TTYH3: variants seen among roughly 807,000 people sequenced by gnomAD.
The protein encoded by TTYH3 is protein tweety homolog 3.
A neutral mutation model predicts 68.2 loss-of-function variants in TTYH3; 23 were observed. The ratio of observed to expected loss-of-function variants is 0.34; its 90% CI spans 0.24 to 0.48. The LOEUF (loss-of-function observed/expected upper bound fraction) is 0.48, where lower values mean the gene tolerates loss of function less well. TTYH3 is among the 20% of genes least tolerant of loss of function. The pLI, the probability that TTYH3 is intolerant of heterozygous loss-of-function variation, is 0.99. For synonymous variants in TTYH3, 360 were observed against 332.8 expected, an observed-to-expected ratio of 1.08 and a Z score of -0.89; for missense variants, 768 against 727.7, an observed-to-expected ratio of 1.06 and a Z score of -0.64.
At chr7:2,636,640 G>A (rs936599848) in intron 1 of TTYH3, among the ~76,000 whole-genome samples, 1 of 152,184 alleles carries the variant, frequency 6.6e-6, no homozygotes, top group Non-Finnish European at 1.5e-5. Context: ...CAGCGAATGG[G>A]ACCCTGCATT....
rs148176693 is a variant in TTYH3, at chr7:2,645,246, C to T, written c.124-1607C>T. Reference sequence around the variant, plus strand: ...GTGTGGAGGTTCTGGAGGGCTGAGCCGGGGGCAGGGCTATGCTGAATCCAG... The same window carrying T: ...GTGTGGAGGTTCTGGAGGGCTGAGCTGGGGGCAGGGCTATGCTGAATCCAG... On this transcript the variant is annotated intron_variant, in intron 1 of 13. Transcript: ENST00000258796. The surrounding 1 kb of genome is among the most constrained non-coding windows in gnomAD (Gnocchi z 4.8). Among the ~76,000 whole-genome samples, 185 of 152,278 alleles carry T rather than the reference C, an allele frequency of 1.2e-3. No homozygotes were observed. Among genetic ancestry groups the T allele is most frequent in the African/African-American group, 4.2e-3 (173 of 41,558 alleles).
intron 1 of TTYH3, among the ~76,000 whole-genome samples, chr7:2,635,259 C>T (rs879056367): frequency 2.6e-5 from 4 of 152,168 alleles, no homozygotes; most frequent in African/African-American, 9.7e-5. Flanking sequence ...TGTCCTGCCC[C>T]GGGCAGGGGC....
At chr7:2,659,535 T>C (rs1004165340) in intron 13 of TTYH3, among the ~76,000 whole-genome samples, 1 of 152,206 alleles carries the variant, frequency 6.6e-6, no homozygotes, top group Non-Finnish European at 1.5e-5. Context: ...CACACATGGC[T>C]GTTTCAGCCC....
At position 2,645,198 on chromosome 7, in the gene TTYH3, A is replaced by T. The variant is rs1310027265; in HGVS notation, c.124-1655A>T. Among the ~76,000 whole-genome samples the T allele has an allele frequency of 6.6e-6, 1 of 151,914 alleles. No homozygotes were observed. Among genetic ancestry groups the T allele is most frequent in the Non-Finnish European group, 1.5e-5 (1 of 67,960 alleles). ...AGGCGCAGCCCTGTATCAGCTCCCC[A>T]TCCCTCCCCCGGCACAGGAAGTGTG... On this transcript the variant is annotated intron_variant, in intron 1 of 13. Transcript: ENST00000258796. The surrounding 1 kb of genome is among the most constrained non-coding windows in gnomAD (Gnocchi z 4.8).
intron 10 of TTYH3, 89 bp from the exon 11 acceptor site, chr7:2,656,309 C>G: frequency 1.3e-6 from 2 of 1,570,964 alleles, no homozygotes; most frequent in Non-Finnish European, 1.7e-6. Flanking sequence ...GGGGGGCGGT[C>G]CAGGCCGCCG....
At chr7:2,654,826 C>G (rs1215542796) in intron 9 of TTYH3, among the ~76,000 whole-genome samples, 1 of 151,978 alleles carries the variant, frequency 6.6e-6, no homozygotes, top group Non-Finnish European at 1.5e-5. Flanking sequence ...TCTCTGTTGC[C>G]CAGGCTGGAG....
Position 2,645,942 on chromosome 7 carries a change from CG to C in TTYH3, c.124-908del, listed in dbSNP as rs1785967707. 1 of 447,398 alleles carries C rather than the reference CG, an allele frequency of 2.2e-6. No individual in the cohort carries two copies. The highest frequency in any genetic ancestry group is 2.5e-5 in the Admixed American group (1 of 40,692). 27.7% of individuals were successfully genotyped at this position (447,398 alleles called of 1,614,324 possible). On this transcript the variant is annotated intron_variant, in intron 1 of 13. Coordinates refer to ENST00000258796, the MANE Select transcript of TTYH3 (RefSeq NM_025250.3). The surrounding 1 kb of genome is among the most constrained non-coding windows in gnomAD (Gnocchi z 4.8). ...GGGCTCTGGGGTCCTGGGGCTGTCT[CG>C]GGCTGGGGGTGAGGACAGTAGCTGA...
Position 2,658,451 on chromosome 7 carries a change from T to C in TTYH3, c.1416T>C (p.Thr472=). The C allele has an allele frequency of 6.2e-7, 1 of 1,608,122 alleles. No homozygotes were observed. Among genetic ancestry groups the C allele is most frequent in the Non-Finnish European group, 8.5e-7 (1 of 1,176,596 alleles). ...AAHTVSNAPV[T]EYMSQNANFQ... is the part of the protein sequence containing the mutation. ...ACACCGTCAGCAACGCCCCGGTCAC[T>C]GAGTACATGTGAGTTGACGTGGGCC... is the stretch of plus-strand genomic sequence containing the variant. The change falls in exon 12 of 14, where the codon ACT becomes ACC. Residue 472 remains threonine, a synonymous_variant. Transcript: ENST00000258796.
chr7:2,655,438 T>A (rs1786305955), intron 9 of TTYH3, among the ~76,000 whole-genome samples: 1 of 152,120 alleles, frequency 6.6e-6, no homozygotes, highest in African/African-American at 2.4e-5. Flanking sequence ...GAGCCACCGC[T>A]CCCGGCCCCA....
chr7:2,658,814 G>A lies in TTYH3; in HGVS notation c.1425-126G>A, dbSNP rs930141757. On this transcript the variant is annotated intron_variant, in intron 12 of 13. Transcript: ENST00000258796. Reference sequence around the variant, plus strand: ...AGCCCTTTGTTACTGTGCTGGGTTCGTGGGACCCCCAGTGAGAATGGATGT... The same window carrying A: ...AGCCCTTTGTTACTGTGCTGGGTTCATGGGACCCCCAGTGAGAATGGATGT... The A allele has an allele frequency of 1.8e-5, 17 of 930,816 alleles. No homozygotes were observed. In the Admixed American group the frequency reaches 2.0e-4, roughly 11 times the overall value. 57.7% of individuals were successfully genotyped at this position (930,816 alleles called of 1,614,324 possible).
intron 11 of TTYH3, 134 bp from the exon 12 acceptor site, chr7:2,658,152 A>G (rs1054604809): frequency 1.1e-6 from 1 of 928,228 alleles, no homozygotes; most frequent in Non-Finnish European, 1.6e-6. Flanking sequence ...CCACAGTCCC[A>G]CATGGAGTGT....
Position 2,662,070 on chromosome 7 carries a change from C to T in TTYH3, c.*331C>T, listed in dbSNP as rs1353474367. 10 of 504,510 alleles carry T rather than the reference C, an allele frequency of 2.0e-5. No homozygotes were observed. The highest frequency in any genetic ancestry group is 7.2e-5 in the East Asian group (2 of 27,852). The allele number at this position is 504,510 out of a possible 1,614,324, so 31.3% of individuals were successfully genotyped here. On this transcript the variant is annotated 3_prime_UTR_variant, in exon 14 of 14. Transcript: ENST00000258796. ...GGCCGCACCCAACCTGTGTTGTTGC[C>T]GCCCGGCCCTTCCCTCCACAGCTCT...
At chr7:2,653,115 AC>A in intron 9 of TTYH3, 105 bp downstream of exon 9, 2 of 1,055,566 alleles carry the variant, frequency 1.9e-6, no homozygotes, top group African/African-American at 1.6e-5. Flanking sequence ...TGGAGAAGGC[AC>A]CAGGCTGGCC....
rs559481353 is a variant in TTYH3 at position 2,647,518 on chromosome 7, A to T, written c.506A>T (p.Gln169Leu). 6.5e-7 allele frequency: 1 copy of T among 1,547,506 alleles called. No homozygotes were observed. Among genetic ancestry groups the T allele is most frequent in the African/African-American group, 1.4e-5 (1 of 73,192 alleles). ...AGRPEPLRAVQRLQGLLETLL... is the reference protein window; with the variant it reads ...AGRPEPLRAVLRLQGLLETLL... ...CGGCCCGAGCCCCTGCGAGCCGTACAGAGGCTGCAGGGCCTGCTGGAGACG... is the reference window on the plus strand; with the variant it reads ...CGGCCCGAGCCCCTGCGAGCCGTACTGAGGCTGCAGGGCCTGCTGGAGACG... Residue 169 changes from glutamine to leucine, a missense_variant, in exon 4 of 14, where the codon CAG (glutamine) becomes CTG (leucine). Transcript: ENST00000258796.
At chr7:2,638,823 C>T (rs1193449102) in intron 1 of TTYH3, among the ~76,000 whole-genome samples, 2 of 152,180 alleles carry the variant, frequency 1.3e-5, no homozygotes, top group Non-Finnish European at 2.9e-5. Context: ...GGGCTGAGGC[C>T]TAGCCAAAGA....
At chr7:2,646,809 G>A in intron 1 of TTYH3, 44 bp from the exon 2 acceptor site, 1 of 1,563,726 alleles carries the variant, frequency 6.4e-7, no homozygotes, top group Non-Finnish European at 8.6e-7. Flanking sequence ...GGGACTCTGA[G>A]CTGGGGGTCC....
intron 11 of TTYH3, among the ~76,000 whole-genome samples, chr7:2,656,837 A>G (rs1009551573): frequency 3.5e-4 from 53 of 152,238 alleles, no homozygotes; most frequent in African/African-American, 1.2e-3. Context: ...TCTGTGCCCT[A>G]TGCCCTGAGA....
intron 7 of TTYH3, among the ~76,000 whole-genome samples, chr7:2,651,445 G>A (rs1341967825): frequency 6.6e-6 from 1 of 152,202 alleles, no homozygotes; most frequent in Non-Finnish European, 1.5e-5. Flanking sequence ...GGGCGGGGAG[G>A]GCTGGTGACC....
At position 2,656,156 on chromosome 7, in the gene TTYH3, C is replaced by A. The variant is rs1322864040; in HGVS notation, c.1085C>A (p.Ala362Asp). The change falls in exon 10 of 14, where the codon GCC (alanine) becomes GAC (aspartate). Residue 362 changes from alanine (A) to aspartate (D), a missense_variant. Coordinates refer to ENST00000258796, the MANE Select transcript of TTYH3 (RefSeq NM_025250.3). The stretch of plus-strand genomic sequence containing the variant: ...GAGGTGAACCTGCAGCACCTCACCG[C>A]CCTGGTGGACTGCCGCAGCCTGCAT... Reference protein sequence around the residue: ...GTEVNLQHLTALVDCRSLHLD... With the variant: ...GTEVNLQHLTDLVDCRSLHLD... 6.4e-7 allele frequency: 1 copy of A among 1,570,384 alleles called. No individual in the cohort carries two copies. Among genetic ancestry groups the A allele is most frequent in the South Asian group, 1.2e-5 (1 of 85,474 alleles).
Sources: allele counts gnomAD v4.1 joint callset (sites outside exome capture counted in the v4.1 genomes callset), GRCh38; gene constraint gnomAD v4.1.1; non-coding constraint Gnocchi (gnomAD v3.1); transcripts MANE v1.5; gene names NCBI Gene and HGNC (gene_info 2026-07-23, HGNC 2026-07-21).